TRAK1: variants seen among roughly 807,000 people sequenced by gnomAD.
TRAK1 encodes the protein trafficking kinesin-binding protein 1.
Under a neutral mutation model 92.1 loss-of-function variants are expected in TRAK1, and 33 were observed. The ratio of observed to expected loss-of-function variants is 0.36; its 90% CI spans 0.27 to 0.48. The LOEUF is 0.48. TRAK1 is among the 20% of genes least tolerant of loss of function. The probability of loss-of-function intolerance (pLI) is 0.99; values close to 1 mark genes in which losing one functional copy is unlikely to be tolerated. For synonymous variants in TRAK1, 521 were observed against 517.3 expected (o/e 1.01, Z -0.10); for missense variants, 1,123 against 1,257.9 (o/e 0.89, Z 1.62).
chr3:42,200,989 A>G lies in TRAK1; in HGVS notation c.1362A>G (p.Ile454Met), dbSNP rs758253157. Residue 454 changes from isoleucine (I) to methionine (M), a missense_variant, in exon 12 of 16, where the codon ATA becomes ATG. Around this residue, in one of 3 missense-constraint regions of TRAK1, gnomAD observed 686 missense variants for 747.6 expected, o/e 0.92. Coordinates refer to ENST00000327628, the MANE Select transcript of TRAK1 (RefSeq NM_001042646.3). Reference protein sequence around the residue: ...TPRSSFYGSDIGNVVLDNKTN... With the variant: ...TPRSSFYGSDMGNVVLDNKTN... Reference sequence around the variant, plus strand: ...GGTCCAGCTTCTACGGCAGCGACATAGGCAACGTCGTCCTCGACAACAAGA... The same window carrying G: ...GGTCCAGCTTCTACGGCAGCGACATGGGCAACGTCGTCCTCGACAACAAGA... The G allele has an allele frequency of 6.2e-7, 1 of 1,614,186 alleles. No homozygotes were observed. The highest frequency in any genetic ancestry group is 1.1e-5 in the South Asian group (1 of 91,082).
intron 1 of TRAK1, among the ~76,000 whole-genome samples, chr3:42,106,864 T>G (rs1490024139): frequency 6.6e-6 from 1 of 152,232 alleles, no homozygotes; most frequent in Admixed American, 6.5e-5. Context: ...CATTGTTCAT[T>G]TTTAAACAGA....
Position 42,070,248 on chromosome 3 carries a change from A to T in TRAK1, c.-518-16856A>T, listed in dbSNP as rs1044375638. Among the ~76,000 whole-genome samples, 37 of 146,282 alleles carry T rather than the reference A, an allele frequency of 2.5e-4. No homozygotes were observed. The Middle Eastern group carries it at 0.018, about 71-fold the overall frequency. ...TATTATAATAATTATGAATAATAAT[A>T]ATTATTATAATTATAATAATTATGA... On this transcript the variant is annotated intron_variant, in intron 1 of 16. Transcript: ENST00000487159.
At chr3:42,192,972 T>TTTTTTTTTTTTTTTTTTTTTTTTG (rs1706035171) in intron 7 of TRAK1, 103 bp from the exon 8 acceptor site, 1 of 1,508,036 alleles carries the variant, frequency 6.6e-7, no homozygotes, top group African/African-American at 1.4e-5. Context: ...TGTCTTTTAG[T>TTTTTTTTTTTTTTTTTTTTTTTTG]AAGGATGGTT....
chr3:42,204,882 C>T (rs1045460764), intron 13 of TRAK1, among the ~76,000 whole-genome samples: 3 of 152,192 alleles, frequency 2.0e-5, no homozygotes, highest in Non-Finnish European at 4.4e-5. Context: ...ACACCTGGCT[C>T]AGACTTCTTA....
intron 6 of TRAK1, 54 bp downstream of exon 6, chr3:42,189,178 C>A: frequency 2.2e-6 from 3 of 1,373,408 alleles, no homozygotes; most frequent in Non-Finnish European, 3.1e-6. Flanking sequence ...GCCCCATTCG[C>A]CTTATCTGGC....
At chr3:42,178,447 G>A (rs187192276) in intron 3 of TRAK1, among the ~76,000 whole-genome samples, 12 of 152,186 alleles carry the variant, frequency 7.9e-5, no homozygotes, top group African/African-American at 2.4e-4. Context: ...ATTTAACTGC[G>A]TTGGTTCTTT....
intron 1 of TRAK1, among the ~76,000 whole-genome samples, chr3:42,018,865 TATA>T (rs1701626750): frequency 6.6e-6 from 1 of 152,238 alleles, no homozygotes; most frequent in South Asian, 2.1e-4. Context: ...GGCTTACGCC[TATA>T]ATCCCAGCAC....
intron 1 of TRAK1, among the ~76,000 whole-genome samples, chr3:42,028,178 A>T (rs1486010334): frequency 1.3e-5 from 2 of 152,210 alleles, no homozygotes; most frequent in African/African-American, 4.8e-5. Flanking sequence ...AAACTAGTGG[A>T]TACAGGTGCC....
chr3:42,216,120 G>A (rs1709653714), intron 14 of TRAK1, among the ~76,000 whole-genome samples: 1 of 152,122 alleles, frequency 6.6e-6, no homozygotes, highest in Admixed American at 6.5e-5. Flanking sequence ...AATCCCTGTG[G>A]AACCTCTGGG....
At chr3:42,146,273 C>T in intron 2 of TRAK1, 1 of 299,584 alleles carries the variant, frequency 3.3e-6, no homozygotes, top group Non-Finnish European at 6.9e-6. Context: ...TTGCCGTTCA[C>T]CCACTTGTCT....
At chr3:42,118,924 G>A (rs1709510168) in intron 1 of TRAK1, among the ~76,000 whole-genome samples, 2 of 152,194 alleles carry the variant, frequency 1.3e-5, no homozygotes, top group Admixed American at 1.3e-4. Context: ...TGATACTGAG[G>A]TGGGTTTGAA....
At chr3:42,044,671 T>C (rs1029228984) in intron 1 of TRAK1, among the ~76,000 whole-genome samples, 4 of 152,206 alleles carry the variant, frequency 2.6e-5, no homozygotes, top group Non-Finnish European at 2.9e-5. Flanking sequence ...GTAGAGCCGA[T>C]GTGGGAGCCT....
intron 2 of TRAK1, among the ~76,000 whole-genome samples, chr3:42,144,267 TAA>T (rs34065536): frequency 3.4e-5 from 5 of 149,000 alleles, no homozygotes; most frequent in South Asian, 2.1e-4. Context: ...TTATTTCCCT[TAA>T]AAAAAAAAAG....
rs3073733 is a variant in TRAK1, at chr3:42,076,216, C to CT, written c.-518-10862dup. Among the ~76,000 whole-genome samples, 250 of 62,708 alleles carry CT rather than the reference C, an allele frequency of 4.0e-3. 24 individuals carry two copies. Among genetic ancestry groups the CT allele is most frequent in the African/African-American group, 7.1e-3 (89 of 12,518 alleles). 41.1% of individuals were successfully genotyped at this position (62,708 alleles called of 152,430 possible). Reference sequence around the variant, plus strand: ...TCCTCATAGATTTGGGATATTAGACCTTTTTTTTTTTTTTTTTTTTTTTTT... The same window carrying CT: ...TCCTCATAGATTTGGGATATTAGACCTTTTTTTTTTTTTTTTTTTTTTTTTT... On this transcript the variant is annotated intron_variant, in intron 1 of 16. Coordinates refer to the TRAK1 transcript ENST00000487159.
At chr3:42,107,743 A>G in intron 1 of TRAK1, among the ~76,000 whole-genome samples, 1 of 151,980 alleles carries the variant, frequency 6.6e-6, no homozygotes. Flanking sequence ...CTTTAAAGGT[A>G]ACTATCTGTA....
chr3:42,031,644 T>C (rs2148892479), intron 1 of TRAK1, among the ~76,000 whole-genome samples: 1 of 152,112 alleles, frequency 6.6e-6, no homozygotes, highest in South Asian at 2.1e-4. Context: ...AAAAATAGTT[T>C]TCTGAACATT....
intron 1 of TRAK1, among the ~76,000 whole-genome samples, chr3:42,069,109 G>A (rs1703801133): frequency 6.6e-6 from 1 of 151,998 alleles, no homozygotes; most frequent in Admixed American, 6.6e-5. Context: ...AGCTGAGGTG[G>A]GTGCATTACT....
chr3:42,131,212 T>G (rs1222732590), intron 2 of TRAK1, among the ~76,000 whole-genome samples: 1 of 152,124 alleles, frequency 6.6e-6, no homozygotes, highest in East Asian at 1.9e-4. Context: ...CTGTCTCCCC[T>G]CATCCTGTTT....
At chr3:42,220,915 A>G (rs968771819) in intron 15 of TRAK1, among the ~76,000 whole-genome samples, 4 of 152,042 alleles carry the variant, frequency 2.6e-5, no homozygotes, top group Non-Finnish European at 5.9e-5. Context: ...TTGTTTTCAA[A>G]ACCATGGAAC....
Sources: gnomAD v4.1 joint callset for allele counts (sites outside exome capture counted in the v4.1 genomes callset) on GRCh38, gnomAD v4.1.1 for gene constraint, gnomAD v4.1.1 regional missense constraint, MANE v1.5 for transcripts, NCBI Gene and HGNC (gene_info 2026-07-23, HGNC 2026-07-21) for gene names.